The following STRN3 variants were observed in gnomAD, a reference collection of about 807,000 sequenced individuals.
STRN3 encodes striatin 3.
Under a neutral mutation model 95.6 loss-of-function variants are expected in STRN3, and 29 were observed. The observed-to-expected ratio is 0.30, with a 90% CI of 0.23 to 0.41. STRN3 has a LOEUF of 0.41. STRN3 is among the 10% of genes least tolerant of loss of function. The pLI, the probability that STRN3 is intolerant of heterozygous loss-of-function variation, is 1.00. For missense variants in STRN3, 890 were observed against 972.1 expected, an observed-to-expected ratio of 0.92 and a Z score of 1.12; for synonymous variants, 331 against 357.6, an observed-to-expected ratio of 0.93 and a Z score of 0.84.
At position 30,913,462 on chromosome 14, in the gene STRN3, T is replaced by G. The variant is rs1337805715; in HGVS notation, c.1374+62A>C. The G allele has an allele frequency of 2.0e-6, 3 of 1,465,488 alleles. No individual in the cohort carries two copies. In the African/African-American group the frequency reaches 4.3e-5, roughly 21 times the overall value. The allele number at this position is 1,465,488 out of a possible 1,614,324, so 90.8% of individuals were successfully genotyped here. ...GATATTAATTCTGTTTTATAAGTGATTCCAAAAAATAAGGAGCCTTCTATT... is the reference window on the plus strand; with the variant it reads ...GATATTAATTCTGTTTTATAAGTGAGTCCAAAAAATAAGGAGCCTTCTATT... On this transcript the variant is annotated intron_variant, in intron 10 of 17. Transcript: ENST00000357479.
intron 9 of STRN3, among the ~76,000 whole-genome samples, chr14:30,916,463 G>A (rs868313448): frequency 3.9e-5 from 6 of 152,064 alleles, no homozygotes; most frequent in Middle Eastern, 3.4e-3. Flanking sequence ...TTTTAGTAGA[G>A]ACAGGGTTTC....
At position 31,002,059 on chromosome 14, in the gene STRN3, G is replaced by A. The variant is rs150456210; in HGVS notation, c.282+23845C>T. 7.8e-3 allele frequency among the ~76,000 whole-genome samples: 1,188 copies of A among 151,420 alleles called. 13 individuals carry two copies. The highest frequency in any genetic ancestry group is 0.028 in the African/African-American group (1,135 of 41,260). ...TGCATGGCTGTAATCCTAGCTACTC[G>A]GGAGGCTGAGGCAGGAGAATCGCTT... On this transcript the variant is annotated intron_variant, in intron 1 of 17. Transcript: ENST00000357479.
At chr14:30,973,615 C>A (rs1198427836) in intron 1 of STRN3, among the ~76,000 whole-genome samples, 1 of 152,166 alleles carries the variant, frequency 6.6e-6, no homozygotes, top group African/African-American at 2.4e-5. Flanking sequence ...CTACCCAACT[C>A]ATTCTATGAG....
chr14:31,013,628 T>C (rs1883074566), intron 1 of STRN3, among the ~76,000 whole-genome samples: 1 of 151,364 alleles, frequency 6.6e-6, no homozygotes, highest in African/African-American at 2.4e-5. Context: ...AGAGACAGAG[T>C]CTTTTACCAG....
chr14:30,985,934 C>G (rs574232317), intron 1 of STRN3, among the ~76,000 whole-genome samples: 1 of 152,294 alleles, frequency 6.6e-6, no homozygotes, highest in Admixed American at 6.5e-5. Context: ...CACACACCCC[C>G]CTCAGCTCTC....
chr14:31,002,922 T>C (rs963625819), intron 1 of STRN3, among the ~76,000 whole-genome samples: 2 of 152,090 alleles, frequency 1.3e-5, no homozygotes, highest in Non-Finnish European at 2.9e-5. Context: ...GTAGTAAAGG[T>C]TGCACAACAT....
chr14:31,025,672 C>A lies in STRN3; in HGVS notation c.282+232G>T. On this transcript the variant is annotated intron_variant, in intron 1 of 17. Transcript: ENST00000357479. ...ATACTAAAAGCCAAAATGGCTGCCC[C>A]GAGGAGGCCCGCACCGCGTAGCCAG... 3 of 654,136 alleles carry A rather than the reference C, an allele frequency of 4.6e-6. No individual in the cohort carries two copies. In the South Asian group the frequency reaches 6.0e-5, roughly 13 times the overall value. The allele number at this position is 654,136 out of a possible 1,614,324, so 40.5% of individuals were successfully genotyped here.
At chr14:30,990,081 G>A (rs575984194) in intron 1 of STRN3, among the ~76,000 whole-genome samples, 1 of 151,508 alleles carries the variant, frequency 6.6e-6, no homozygotes. Context: ...AAAATCCCTG[G>A]GCCTAATGAC....
chr14:30,907,101 G>C, intron 13 of STRN3, 57 bp from the exon 14 acceptor site: 1 of 1,567,580 alleles, frequency 6.4e-7, no homozygotes, highest in Non-Finnish European at 8.6e-7. Context: ...AAGAAACTTT[G>C]ATACATAAAG....
intron 1 of STRN3, among the ~76,000 whole-genome samples, chr14:31,019,510 T>C (rs561945599): frequency 2.0e-5 from 3 of 152,230 alleles, no homozygotes; most frequent in South Asian, 4.1e-4. Context: ...TATAATACAA[T>C]TGTCTTTATG....
chr14:30,944,107 C>A (rs911317661), intron 5 of STRN3, among the ~76,000 whole-genome samples: 1 of 151,826 alleles, frequency 6.6e-6, no homozygotes, highest in African/African-American at 2.4e-5. Context: ...GGAGAAGATA[C>A]AGCTTATCGA....
chr14:30,951,736 T>C (rs550860352), intron 3 of STRN3, among the ~76,000 whole-genome samples: 1 of 152,154 alleles, frequency 6.6e-6, no homozygotes, highest in Non-Finnish European at 1.5e-5. Context: ...TTTTTGGAAC[T>C]AAAATTAAAC....
At chr14:31,017,064 AG>A (rs1883273160) in intron 1 of STRN3, among the ~76,000 whole-genome samples, 1 of 150,716 alleles carries the variant, frequency 6.6e-6, no homozygotes, top group South Asian at 2.1e-4. Context: ...CTGAGGTGGG[AG>A]GATCACCTGA....
At chr14:30,959,447 C>T (rs1454061554) in intron 1 of STRN3, among the ~76,000 whole-genome samples, 1 of 152,086 alleles carries the variant, frequency 6.6e-6, no homozygotes, top group Non-Finnish European at 1.5e-5. Context: ...CTTATGACCT[C>T]ATATCATCAC....
intron 7 of STRN3, among the ~76,000 whole-genome samples, chr14:30,930,965 G>C (rs1177313308): frequency 6.6e-6 from 1 of 151,994 alleles, no homozygotes. Context: ...AGTTTATATA[G>C]GAAATTAGAT....
At chr14:31,011,814 T>G (rs533772884) in intron 1 of STRN3, among the ~76,000 whole-genome samples, 165 of 152,152 alleles carry the variant, frequency 1.1e-3, no homozygotes, top group Middle Eastern at 3.4e-3. Flanking sequence ...AGGCAGTGGC[T>G]AACGGATGTA....
rs1473627004 is a variant in STRN3, at chr14:31,026,357, C to T, written c.-172G>A. 3 of 550,370 alleles carry T rather than the reference C, an allele frequency of 5.5e-6. No individual in the cohort carries two copies. The highest frequency in any genetic ancestry group is 2.0e-5 in the African/African-American group (1 of 50,020). The allele number at this position is 550,370 out of a possible 1,614,324, so 34.1% of individuals were successfully genotyped here. On this transcript the variant is annotated 5_prime_UTR_variant, in exon 1 of 18. Coordinates refer to ENST00000357479, the MANE Select transcript of STRN3 (RefSeq NM_001083893.2). Reference sequence around the variant, plus strand: ...CAGAGCAGGGAGCTGCCGGCTGCCGCCATTACAATCCCTCCTCCATCTGCC... The same window carrying T: ...CAGAGCAGGGAGCTGCCGGCTGCCGTCATTACAATCCCTCCTCCATCTGCC...
intron 5 of STRN3, 108 bp downstream of exon 5, chr14:30,946,979 CAAA>C (rs569011885): frequency 0.01 from 4,622 of 441,436 alleles, no homozygotes; most frequent in South Asian, 0.017. Flanking sequence ...GACTCCGTGT[CAAA>C]AAAAAAAAAA....
chr14:30,993,498 C>T (rs1485470128), intron 1 of STRN3, among the ~76,000 whole-genome samples: 1 of 152,182 alleles, frequency 6.6e-6, no homozygotes, highest in Non-Finnish European at 1.5e-5. Flanking sequence ...TTAAATATAA[C>T]ATGAGAAATG....
Sources: allele counts gnomAD v4.1 joint callset (sites outside exome capture counted in the v4.1 genomes callset), GRCh38; gene constraint gnomAD v4.1.1; transcripts MANE v1.5; gene names NCBI Gene and HGNC (gene_info 2026-07-23, HGNC 2026-07-21).